RANBP9: variants seen among roughly 807,000 people sequenced by gnomAD.
RANBP9 encodes the protein ran-binding protein 9.
A neutral mutation model predicts 84.3 loss-of-function variants in RANBP9; 15 were observed. The observed-to-expected ratio is 0.18, with a 90% confidence interval of 0.12 to 0.27. RANBP9 has a LOEUF of 0.27. Ranked by LOEUF, RANBP9 falls within the 10% of genes least tolerant of loss-of-function variation. The pLI, the probability that RANBP9 is intolerant of heterozygous loss-of-function variation, is 1.00. For missense variants in RANBP9, 809 were observed against 912.8 expected, an observed-to-expected ratio of 0.89 and a Z score of 1.46; for synonymous variants, 392 against 349.6, an observed-to-expected ratio of 1.12 and a Z score of -1.35.
In RANBP9 at chr6:13,625,663, A is replaced by G. The variant is rs1386538679; in HGVS notation, c.2049T>C (p.Ser683=). The change falls in exon 13 of 14, where the codon AGT becomes AGC. Residue 683 remains serine (S), a synonymous_variant. Coordinates refer to ENST00000011619, the MANE Select transcript of RANBP9 (RefSeq NM_005493.3). ...TTTGGCTTTACTTACCTAATATTGC[A>G]CTGTTAAGAGCTGAGCACACAGGTT... ...QREPVCSALN[S]AILETHNLPK... 1.2e-6 allele frequency: 2 copies of G among 1,603,834 alleles called. No individual in the cohort carries two copies. The highest frequency in any genetic ancestry group is 2.2e-5 in the East Asian group (1 of 44,802).
At chr6:13,628,065 G>A (rs138809407) in intron 12 of RANBP9, among the ~76,000 whole-genome samples, 462 of 152,294 alleles carry the variant, frequency 3.0e-3, no homozygotes, top group African/African-American at 0.01. Flanking sequence ...AATATTGTGT[G>A]AAGAAGTGTT....
chr6:13,634,278 C>G (rs759910819), intron 11 of RANBP9, among the ~76,000 whole-genome samples, 153 bp downstream of exon 11: 1 of 152,182 alleles, frequency 6.6e-6, no homozygotes, highest in Non-Finnish European at 1.5e-5. Flanking sequence ...CCCACTCAAA[C>G]AAGAGTTTAA....
At chr6:13,634,704 T>C (rs909247666) in intron 10 of RANBP9, 152 bp from the exon 11 acceptor site, 3 of 813,446 alleles carry the variant, frequency 3.7e-6, no homozygotes, top group Admixed American at 3.3e-5. Flanking sequence ...ATCTTGAACG[T>C]ATTCAAAGCC....
intron 11 of RANBP9, 125 bp downstream of exon 11, chr6:13,634,306 C>G: frequency 8.4e-7 from 1 of 1,194,784 alleles, no homozygotes; most frequent in Non-Finnish European, 1.2e-6. Flanking sequence ...GCATTACTGT[C>G]AAGTCCTACA....
chr6:13,668,283 C>G (rs771731766), intron 2 of RANBP9, among the ~76,000 whole-genome samples: 27 of 152,050 alleles, frequency 1.8e-4, no homozygotes, highest in Non-Finnish European at 3.5e-4. Context: ...CAGATGGCTT[C>G]ACTGGGGAAA....
At chr6:13,685,524 A>C (rs7741743) in intron 2 of RANBP9, among the ~76,000 whole-genome samples, 2 of 152,060 alleles carry the variant, frequency 1.3e-5, no homozygotes, top group Admixed American at 1.3e-4. Flanking sequence ...CTATGGTTAC[A>C]GTGAGCTATG....
chr6:13,686,109 CCCCCCCG>C (rs202160835), intron 2 of RANBP9, among the ~76,000 whole-genome samples: 6,459 of 12,162 alleles, frequency 0.53, 1,356 homozygotes, highest in East Asian at 0.57. Flanking sequence ...TTCCCCCCCC[CCCCCCCG>C]CCCCCCGAAA....
intron 5 of RANBP9, among the ~76,000 whole-genome samples, chr6:13,646,856 T>A (rs1765184536): frequency 6.6e-6 from 1 of 152,136 alleles, no homozygotes; most frequent in South Asian, 2.1e-4. Flanking sequence ...AGGCAATGAA[T>A]ATGTAGGCAA....
intron 1 of RANBP9, among the ~76,000 whole-genome samples, chr6:13,702,317 T>G (rs541235100): frequency 1.1e-4 from 16 of 152,100 alleles, no homozygotes; most frequent in Non-Finnish European, 1.9e-4. Context: ...GTGGCGGGTG[T>G]GTGTAATCTC....
rs577431866 is a variant in RANBP9, at chr6:13,673,253, A to G, written c.684-14421T>C. Among the ~76,000 whole-genome samples the G allele has an allele frequency of 2.6e-4, 40 of 152,298 alleles. No individual in the cohort carries two copies. In the Middle Eastern group the frequency reaches 0.01, roughly 39 times the overall value. ...AGAAGAGAGTGGAGTGAAATATTTA[A>G]GTGTTGGGAAAAAACCCCACCAAGC... On this transcript the variant is annotated intron_variant, in intron 2 of 13. Coordinates refer to ENST00000011619, the MANE Select transcript of RANBP9 (RefSeq NM_005493.3).
At chr6:13,673,899 A>C (rs1765829261) in intron 2 of RANBP9, among the ~76,000 whole-genome samples, 1 of 152,088 alleles carries the variant, frequency 6.6e-6, no homozygotes, top group Admixed American at 6.6e-5. Flanking sequence ...CCTGGCCTAC[A>C]TGGCAAAATC....
chr6:13,671,279 T>C (rs1326550225), intron 2 of RANBP9, among the ~76,000 whole-genome samples: 3 of 152,296 alleles, frequency 2.0e-5, no homozygotes, highest in East Asian at 3.9e-4. Context: ...AGGGTATCTA[T>C]GACCCAGAAA....
intron 2 of RANBP9, among the ~76,000 whole-genome samples, chr6:13,681,591 A>G (rs1766039259): frequency 1.3e-5 from 2 of 152,086 alleles, no homozygotes; most frequent in Non-Finnish European, 2.9e-5. Context: ...TCTCAAAAAA[A>G]AAAGAGCAAA....
At position 13,625,710 on chromosome 6, in the gene RANBP9, G is replaced by C. The variant is rs758773635; in HGVS notation, c.2002C>G (p.Gln668Glu). 9.3e-6 allele frequency: 15 copies of C among 1,613,316 alleles called. No individual in the cohort carries two copies. The highest frequency in any genetic ancestry group is 1.3e-5 in the Non-Finnish European group (15 of 1,179,412). ...SDPWNSPVGNQLDPIQREPVC... is the reference protein window; with the variant it reads ...SDPWNSPVGNELDPIQREPVC... ...GGTTCTCTCTGAATCGGGTCAAGCTGATTTCCAACTGGGCTGTTCCAGGGA... is the reference window on the plus strand; with the variant it reads ...GGTTCTCTCTGAATCGGGTCAAGCTCATTTCCAACTGGGCTGTTCCAGGGA... The change falls in exon 13 of 14, where the codon CAG becomes GAG. Residue 668 changes from glutamine to glutamate, a missense_variant. By Grantham distance (29) the Gln-to-Glu change is conservative. Coordinates refer to ENST00000011619, the MANE Select transcript of RANBP9 (RefSeq NM_005493.3).
In RANBP9 at chr6:13,688,835, ATCATATATCTTCCC is replaced by A. The variant is rs1404083727; in HGVS notation, c.683+7936_683+7949del. Among the ~76,000 whole-genome samples, 5 of 151,936 alleles carry A rather than the reference ATCATATATCTTCCC, an allele frequency of 3.3e-5. No homozygotes were observed. The East Asian group carries it at 9.7e-4, about 29-fold the overall frequency. ...TTTGTATTATCTTTCTAAAGCAGGT[ATCATATATCTTCCC>A]TACTCAAAAAGATTGAAGGCAGTCT... On this transcript the variant is annotated intron_variant, in intron 2 of 13. Coordinates refer to ENST00000011619, the MANE Select transcript of RANBP9 (RefSeq NM_005493.3).
chr6:13,692,553 A>AAC (rs1584945969), intron 2 of RANBP9, among the ~76,000 whole-genome samples: 1 of 146,250 alleles, frequency 6.8e-6, no homozygotes, highest in Non-Finnish European at 1.5e-5. Context: ...AAAAAAAAAA[A>AAC]ACACAAAAAA....
At chr6:13,693,237 C>T (rs1447423579) in intron 2 of RANBP9, among the ~76,000 whole-genome samples, 1 of 152,088 alleles carries the variant, frequency 6.6e-6, no homozygotes, top group Non-Finnish European at 1.5e-5. Flanking sequence ...GAAATATAAG[C>T]CAGCATGCGT....
Position 13,622,418 on chromosome 6 carries a change from C to G in RANBP9, c.2134G>C (p.Ala712Pro). The stretch of plus-strand genomic sequence containing the variant: ...GCGCAGGATCCAATTCCTGATCGAG[C>G]CATCAGTCCTAGACATTGTGTGGCC... ...GQATQCLGLMARSGIGSCAFA... is the reference protein window; with the variant it reads ...GQATQCLGLMPRSGIGSCAFA... The change falls in exon 14 of 14, where the codon GCT (alanine) becomes CCT (proline). Residue 712 changes from alanine to proline, a missense_variant. By Grantham distance (27) the Ala-to-Pro change is conservative. This residue lies in a region of RANBP9 where 233 missense variants were observed against 234.4 expected (regional missense o/e 0.99). Transcript: ENST00000011619. 6.2e-7 allele frequency: 1 copy of G among 1,602,042 alleles called. No homozygotes were observed. Among genetic ancestry groups the G allele is most frequent in the South Asian group, 1.1e-5 (1 of 89,334 alleles).
In RANBP9 at chr6:13,711,458, C is replaced by T. The variant is rs545011064; in HGVS notation, c.48G>A (p.Gln16=). The T allele has an allele frequency of 4.3e-5, 53 of 1,231,812 alleles. No homozygotes were observed. Among genetic ancestry groups the T allele is most frequent in the Non-Finnish European group, 4.8e-5 (47 of 986,800 alleles). 76.3% of individuals were successfully genotyped at this position (1,231,812 alleles called of 1,614,324 possible). A position where few individuals can be genotyped will look rare whatever the true frequency, so the allele number is the denominator to read the frequency against. Residue 16 remains glutamine, a synonymous_variant, in exon 1 of 14, where the codon CAG becomes CAA. Coordinates refer to ENST00000011619, the MANE Select transcript of RANBP9 (RefSeq NM_005493.3). The part of the protein sequence containing the change: ...PPPPPQQQQQ[Q]QQLSPPPPAA... Reference sequence around the variant, plus strand: ...CCGGCGGTGGCGGCGACAGCTGCTGCTGCTGTTGCTGCTGCTGCGGCGGCG... The same window carrying T: ...CCGGCGGTGGCGGCGACAGCTGCTGTTGCTGTTGCTGCTGCTGCGGCGGCG...
Sources: allele counts gnomAD v4.1 joint callset (sites outside exome capture counted in the v4.1 genomes callset), GRCh38; gene constraint gnomAD v4.1.1; regional missense constraint gnomAD v4.1.1; transcripts MANE v1.5; gene names NCBI Gene and HGNC (gene_info 2026-07-23, HGNC 2026-07-21).